SHLD2: variants seen among roughly 807,000 people sequenced by gnomAD.
The protein encoded by SHLD2 is shieldin complex subunit 2.
SHLD2 carries 30 observed loss-of-function variants against 73.2 expected under a neutral mutation model. The ratio of observed to expected loss-of-function variants is 0.41; its 90% confidence interval spans 0.31 to 0.56. The LOEUF is 0.56. Among genes scored for constraint, SHLD2 ranks in the 20% least tolerant of loss-of-function variants. SHLD2 has a pLI of 0.28. For missense variants in SHLD2, 745 were observed against 1,055.9 expected (o/e 0.71, Z 4.08); for synonymous variants, 285 against 370.1 (o/e 0.77, Z 2.64).
At chr10:87,179,130 G>A (rs1421494868) in intron 7 of SHLD2, among the ~76,000 whole-genome samples, 2 of 152,156 alleles carry the variant, frequency 1.3e-5, no homozygotes, top group Non-Finnish European at 2.9e-5. Flanking sequence ...ACAGTAAGAC[G>A]AAAGTAAATT....
At chr10:87,144,317 G>A (rs375624669) in intron 2 of SHLD2, among the ~76,000 whole-genome samples, 2 of 152,150 alleles carry the variant, frequency 1.3e-5, no homozygotes, top group Non-Finnish European at 2.9e-5. Flanking sequence ...AGGCTCACCC[G>A]CACTGGCCTA....
intron 3 of SHLD2, 122 bp downstream of exon 3, chr10:87,153,001 A>G: frequency 1.1e-6 from 1 of 945,174 alleles, no homozygotes; most frequent in South Asian, 1.7e-5. Context: ...GCGCAGCATA[A>G]TTGATCCCTT....
rs145480311 is a variant in SHLD2, at chr10:87,151,678, C to T, written c.324C>T (p.His108=). 1 of 1,611,706 alleles carries T rather than the reference C, an allele frequency of 6.2e-7. No individual in the cohort carries two copies. Among genetic ancestry groups the T allele is most frequent in the Non-Finnish European group, 8.5e-7 (1 of 1,179,676 alleles). The change falls in exon 3 of 10, where the codon CAC becomes CAT. Residue 108 remains histidine, a synonymous_variant. Transcript: ENST00000298786. ...AGAATATAGAATCCCAGAAGATTCA[C>T]TCCTCTAGACTGAGTGATATAACTA... ...ETQNIESQKI[H]SSRLSDITSS...
chr10:87,168,100 G>A (rs1350838131), intron 4 of SHLD2, among the ~76,000 whole-genome samples: 1 of 152,112 alleles, frequency 6.6e-6, no homozygotes, highest in African/African-American at 2.4e-5. Context: ...ACTGAACTAT[G>A]ATTTGACCCA....
At chr10:87,096,900 T>C (rs1841937184) in intron 1 of SHLD2, 34 bp from the exon 2 acceptor site, 1 of 152,236 alleles carries the variant, frequency 6.6e-6, no homozygotes, top group African/African-American at 2.4e-5. Context: ...AAATAAGTCA[T>C]TGTCATTAAT....
intron 3 of SHLD2, among the ~76,000 whole-genome samples, chr10:87,153,288 C>T (rs1442816434): frequency 1.3e-5 from 2 of 152,192 alleles, no homozygotes; most frequent in Non-Finnish European, 2.9e-5. Flanking sequence ...TGCCTGTAGT[C>T]CCAGCTACCC....
chr10:87,180,745 T>C (rs966970898), intron 8 of SHLD2, among the ~76,000 whole-genome samples: 8 of 152,200 alleles, frequency 5.3e-5, no homozygotes, highest in African/African-American at 1.9e-4. Context: ...AAATAAATGT[T>C]GTATGGTAAA....
At chr10:87,108,075 C>T (rs573439853) in intron 2 of SHLD2, among the ~76,000 whole-genome samples, 2 of 151,820 alleles carry the variant, frequency 1.3e-5, no homozygotes, top group African/African-American at 2.4e-5. Context: ...TTTTTTGAGA[C>T]GGAGTTTCGC....
At chr10:87,107,428 G>C (rs1434805435) in intron 2 of SHLD2, among the ~76,000 whole-genome samples, 1 of 151,870 alleles carries the variant, frequency 6.6e-6, no homozygotes, top group Non-Finnish European at 1.5e-5. Context: ...AAAAAGAAAA[G>C]AAAAAAGAAA....
intron 2 of SHLD2, among the ~76,000 whole-genome samples, chr10:87,136,909 A>G (rs1338079165): frequency 6.6e-6 from 1 of 152,236 alleles, no homozygotes; most frequent in Non-Finnish European, 1.5e-5. Flanking sequence ...CCAGTGATTA[A>G]CTGTCAAATT....
chr10:87,127,381 T>C (rs912972389), intron 2 of SHLD2, among the ~76,000 whole-genome samples: 1 of 151,766 alleles, frequency 6.6e-6, no homozygotes, highest in Non-Finnish European at 1.5e-5. Flanking sequence ...AACTAAAAAG[T>C]ATAAAAACTA....
chr10:87,167,987 G>A (rs1307226227), intron 4 of SHLD2, among the ~76,000 whole-genome samples: 1 of 152,152 alleles, frequency 6.6e-6, no homozygotes, highest in Non-Finnish European at 1.5e-5. Context: ...GACAGATGTT[G>A]GTAGGCTGTG....
intron 2 of SHLD2, among the ~76,000 whole-genome samples, chr10:87,120,338 C>T (rs570688649): frequency 7.9e-4 from 120 of 152,070 alleles, no homozygotes; most frequent in African/African-American, 2.8e-3. Context: ...AGCTCCGCCT[C>T]CCAGGTTCAT....
chr10:87,127,535 C>G lies in SHLD2; in HGVS notation c.-5-23815C>G, dbSNP rs1380237681. On this transcript the variant is annotated intron_variant, in intron 2 of 9. Transcript: ENST00000298786. ...TTTTTTGTCCCTCTTACCCGCCCCC[C>G]CCCACCCCGTCTGCCACCCCCCGCC... Among the ~76,000 whole-genome samples, 12 of 71,512 alleles carry G rather than the reference C, an allele frequency of 1.7e-4. 1 individual carries two copies. Among genetic ancestry groups the G allele is most frequent in the African/African-American group, 5.1e-4 (9 of 17,562 alleles). 46.9% of individuals were successfully genotyped at this position (71,512 alleles called of 152,430 possible).
chr10:87,188,531 G>A (rs1335589642), intron 9 of SHLD2, among the ~76,000 whole-genome samples: 6 of 152,310 alleles, frequency 3.9e-5, no homozygotes, highest in South Asian at 4.1e-4. Flanking sequence ...AGTCTTATGA[G>A]CACCTGGTGG....
At chr10:87,110,902 G>A (rs1464648619) in intron 2 of SHLD2, among the ~76,000 whole-genome samples, 2 of 150,558 alleles carry the variant, frequency 1.3e-5, no homozygotes, top group Non-Finnish European at 3.0e-5. Context: ...TGGAGTCAGT[G>A]GTGCCATCTT....
intron 7 of SHLD2, among the ~76,000 whole-genome samples, chr10:87,177,227 G>A (rs1848003612): frequency 6.6e-6 from 1 of 152,042 alleles, no homozygotes; most frequent in Non-Finnish European, 1.5e-5. Context: ...TTGGTGCCAT[G>A]GAGAAGTCAA....
intron 2 of SHLD2, among the ~76,000 whole-genome samples, chr10:87,134,119 T>C (rs1168935739): frequency 1.3e-5 from 2 of 152,204 alleles, no homozygotes; most frequent in African/African-American, 4.8e-5. Context: ...AGCAGAGATC[T>C]TAATGTACTG....
At chr10:87,127,894 A>C (rs1844150701) in intron 2 of SHLD2, among the ~76,000 whole-genome samples, 1 of 152,046 alleles carries the variant, frequency 6.6e-6, no homozygotes, top group African/African-American at 2.4e-5. Flanking sequence ...GGCTGGAGTT[A>C]TGATGTCGTG....
Sources: gnomAD v4.1 joint callset for allele counts (sites outside exome capture counted in the v4.1 genomes callset) on GRCh38, gnomAD v4.1.1 for gene constraint, MANE v1.5 for transcripts, NCBI Gene and HGNC (gene_info 2026-07-23, HGNC 2026-07-21) for gene names.